Variants in INPP5A observed in about 807,000 individuals in gnomAD.
INPP5A encodes the protein inositol polyphosphate-5-phosphatase A.
In INPP5A, 14 loss-of-function variants were observed where a neutral mutation model predicts 65.2. The ratio of observed to expected loss-of-function variants is 0.21; its 90% CI spans 0.14 to 0.34. INPP5A has a LOEUF of 0.34. INPP5A is among the 10% of genes least tolerant of loss of function. The pLI, the probability that INPP5A is intolerant of heterozygous loss-of-function variation, is 1.00. For synonymous variants in INPP5A, 207 were observed against 208.3 expected (o/e 0.99, Z 0.05); for missense variants, 431 against 545.6 (o/e 0.79, Z 2.09).
intron 2 of INPP5A, among the ~76,000 whole-genome samples, chr10:132,633,730 G>A (rs1389614621): frequency 1.3e-5 from 2 of 152,236 alleles, no homozygotes; most frequent in African/African-American, 2.4e-5. Flanking sequence ...GTGGCTTTGC[G>A]CAGCTCCAGG....
intron 7 of INPP5A, chr10:132,708,568 A>C: frequency 8.5e-6 from 6 of 707,502 alleles, no homozygotes; most frequent in Non-Finnish European, 1.6e-5. Context: ...CCTGTAAGTC[A>C]GACATCTGGG....
At position 132,549,343 on chromosome 10, in the gene INPP5A, A is replaced by AG. The variant is rs1172509985; in HGVS notation, c.75+11174dup. The stretch of plus-strand genomic sequence containing the variant: ...TTCGTGCCCCGTCGAGTGGTGTGGA[A>AG]GGACTCTAGCTCTTCTGCATCATGC... On this transcript the variant is annotated intron_variant, in intron 1 of 15. Transcript: ENST00000368594. This position sits in a 1 kb window ranked among gnomAD's most constrained non-coding sequence, Gnocchi z 4.9. 2.8e-4 allele frequency among the ~76,000 whole-genome samples: 43 copies of AG among 152,142 alleles called. No homozygotes were observed. Among genetic ancestry groups the AG allele is most frequent in the African/African-American group, 1.0e-3 (43 of 41,418 alleles).
At chr10:132,670,984 T>C (rs1324806176) in intron 4 of INPP5A, among the ~76,000 whole-genome samples, 1 of 152,098 alleles carries the variant, frequency 6.6e-6, no homozygotes, top group East Asian at 1.9e-4. Flanking sequence ...TCAGGTCTAA[T>C]TTATAACAGG....
chr10:132,777,866 C>T lies in INPP5A; in HGVS notation c.1089+84C>T, dbSNP rs1192604720. 6.4e-6 allele frequency: 10 copies of T among 1,557,460 alleles called. No individual in the cohort carries two copies. The Admixed American group carries it at 1.7e-4, about 27-fold the overall frequency. On this transcript the variant is annotated intron_variant, in intron 13 of 15. Coordinates refer to ENST00000368594, the MANE Select transcript of INPP5A (RefSeq NM_005539.5). The stretch of plus-strand genomic sequence containing the variant: ...TGGCCCAGCCCTGGTGACAGGGCCC[C>T]AGGGGTGGGGGCACCCAGTCTGGGG...
At chr10:132,561,837 C>T (rs1337499385) in intron 1 of INPP5A, among the ~76,000 whole-genome samples, 5 of 151,742 alleles carry the variant, frequency 3.3e-5, no homozygotes, top group South Asian at 2.1e-4. Flanking sequence ...TTGGGGGTTG[C>T]GTTGGATCTG....
Position 132,538,481 on chromosome 10 carries a change from G to A in INPP5A, c.75+310G>A, listed in dbSNP as rs1372907901. 6.6e-6 allele frequency among the ~76,000 whole-genome samples: 1 copy of A among 152,034 alleles called. No homozygotes were observed. Among genetic ancestry groups the A allele is most frequent in the African/African-American group, 2.4e-5 (1 of 41,380 alleles). ...CTCTGAACTCCTGTCTGCAAATCCT[G>A]ACCTCGAAACTCCAATATTAAAACC... On this transcript the variant is annotated intron_variant, in intron 1 of 15. Coordinates refer to ENST00000368594, the MANE Select transcript of INPP5A (RefSeq NM_005539.5). The surrounding 1 kb of genome is among the most constrained non-coding windows in gnomAD (Gnocchi z 4.1).
intron 8 of INPP5A, among the ~76,000 whole-genome samples, chr10:132,716,086 A>C (rs1316824635): frequency 6.6e-6 from 1 of 152,192 alleles, no homozygotes; most frequent in African/African-American, 2.4e-5. Context: ...ATTTTGTTGA[A>C]CATGGAGTCA....
chr10:132,718,972 G>A (rs1237426944), intron 8 of INPP5A, among the ~76,000 whole-genome samples: 1 of 148,294 alleles, frequency 6.7e-6, no homozygotes. Flanking sequence ...ACTGTCTTGC[G>A]GGTTCTGTGG....
chr10:132,755,762 C>T (rs1846596017), intron 11 of INPP5A, among the ~76,000 whole-genome samples: 1 of 152,068 alleles, frequency 6.6e-6, no homozygotes, highest in Non-Finnish European at 1.5e-5. Context: ...TGAGGGAGGT[C>T]CTGGCCACCC....
At chr10:132,632,630 A>G (rs74440576) in intron 2 of INPP5A, among the ~76,000 whole-genome samples, 2,304 of 152,316 alleles carry the variant, frequency 0.015, 33 homozygotes, top group South Asian at 0.039. Context: ...CCAGATTGTC[A>G]TGGGCACTGA....
rs1384826339 is a variant in INPP5A, at chr10:132,617,700, C to T, written c.117+9744C>T. Among the ~76,000 whole-genome samples, 8 of 152,324 alleles carry T rather than the reference C, an allele frequency of 5.3e-5. No homozygotes were observed. In the South Asian group the frequency reaches 1.0e-3, roughly 20 times the overall value. On this transcript the variant is annotated intron_variant, in intron 2 of 15. Coordinates refer to ENST00000368594, the MANE Select transcript of INPP5A (RefSeq NM_005539.5). ...GCACCTGACTGCGTCTGGCACGTGG[C>T]GTGTGTGGAGCAACTGCCTGCCACA...
chr10:132,720,879 A>G (rs1474196876), intron 8 of INPP5A, among the ~76,000 whole-genome samples: 12 of 122,888 alleles, frequency 9.8e-5, no homozygotes, highest in African/African-American at 2.5e-4. Flanking sequence ...GATCTGTGGT[A>G]CCTGGGTTCT....
intron 4 of INPP5A, among the ~76,000 whole-genome samples, chr10:132,662,276 C>T (rs1394785388): frequency 6.6e-6 from 1 of 152,192 alleles, no homozygotes; most frequent in Non-Finnish European, 1.5e-5. Flanking sequence ...CACCGTATCA[C>T]CCAGCCGTTT....
At position 132,731,648 on chromosome 10, in the gene INPP5A, G is replaced by A. The variant is rs182633433; in HGVS notation, c.732+4743G>A. Among the ~76,000 whole-genome samples, 230 of 152,316 alleles carry A rather than the reference G, an allele frequency of 1.5e-3. 2 individuals are homozygous for A. Among genetic ancestry groups the A allele is most frequent in the Admixed American group, 0.012 (183 of 15,304 alleles). On this transcript the variant is annotated intron_variant, in intron 9 of 15. Transcript: ENST00000368594. ...CGCAGGAGGTGGTGGCTGAGCCTCC[G>A]TTGCATCTGCTGGGAGTGGGGGCTC...
intron 9 of INPP5A, among the ~76,000 whole-genome samples, chr10:132,747,358 C>T (rs373989157): frequency 2.0e-5 from 3 of 152,278 alleles, no homozygotes; most frequent in Non-Finnish European, 4.4e-5. Context: ...CCCCATCAGC[C>T]GGTCTGTGCT....
At chr10:132,778,661 G>A (rs1488781069) in intron 13 of INPP5A, among the ~76,000 whole-genome samples, 4 of 152,198 alleles carry the variant, frequency 2.6e-5, no homozygotes, top group South Asian at 2.1e-4. Context: ...GTGTGCAATC[G>A]GAAGGAGGCT....
intron 4 of INPP5A, among the ~76,000 whole-genome samples, chr10:132,672,963 T>A (rs2072912313): frequency 1.3e-5 from 2 of 152,216 alleles, no homozygotes; most frequent in African/African-American, 2.4e-5. Context: ...TCACTTGTAG[T>A]CTTGCCTGGA....
rs1406758108 is a variant in INPP5A at position 132,704,120 on chromosome 10, G to A, written c.475-4193G>A. On this transcript the variant is annotated intron_variant, in intron 6 of 15. Coordinates refer to ENST00000368594, the MANE Select transcript of INPP5A (RefSeq NM_005539.5). The surrounding 1 kb of genome is among the most constrained non-coding windows in gnomAD (Gnocchi z 4.5). ...AGCATCTGGTTCCCAAAGCATGTCA[G>A]GCCCCCCAGTCCCCCCAGACAGGAG... 6.6e-6 allele frequency among the ~76,000 whole-genome samples: 1 copy of A among 151,874 alleles called. No individual in the cohort carries two copies. The highest frequency in any genetic ancestry group is 1.5e-5 in the Non-Finnish European group (1 of 68,006).
intron 12 of INPP5A, among the ~76,000 whole-genome samples, chr10:132,773,070 G>A (rs1023031631): frequency 4.6e-5 from 7 of 152,246 alleles, no homozygotes; most frequent in South Asian, 2.1e-4. Flanking sequence ...ACCTCCCACC[G>A]CCCTCCCCGG....
Sources: allele counts gnomAD v4.1 joint callset (sites outside exome capture counted in the v4.1 genomes callset), GRCh38; gene constraint gnomAD v4.1.1; non-coding constraint Gnocchi (gnomAD v3.1); transcripts MANE v1.5; gene names NCBI Gene and HGNC (gene_info 2026-07-23, HGNC 2026-07-21).